NFIB: variants seen among roughly 807,000 people sequenced by gnomAD.
The protein encoded by NFIB is nuclear factor I B, also known as nuclear factor 1 B-type.
In NFIB, 11 loss-of-function variants were observed where a neutral mutation model predicts 61.5. The ratio of observed to expected loss-of-function variants is 0.18; its 90% CI spans 0.11 to 0.30. The LOEUF is 0.30. Ranked by LOEUF, NFIB falls within the 10% of genes least tolerant of loss-of-function variation. The pLI, the probability that NFIB is intolerant of heterozygous loss-of-function variation, is 1.00. For synonymous variants in NFIB, 260 were observed against 216.5 expected (o/e 1.20, Z -1.76); for missense variants, 471 against 608.9 (o/e 0.77, Z 2.38).
chr9:14,303,565 T>C (rs1021113671), intron 2 of NFIB, among the ~76,000 whole-genome samples: 2 of 152,190 alleles, frequency 1.3e-5, no homozygotes, highest in African/African-American at 2.4e-5. Flanking sequence ...GGAAGAGTTT[T>C]ATATTAGCTA....
intron 2 of NFIB, among the ~76,000 whole-genome samples, chr9:14,218,525 T>A (rs993434773): frequency 6.6e-6 from 1 of 152,174 alleles, no homozygotes; most frequent in Non-Finnish European, 1.5e-5. Flanking sequence ...GCTGTAGAAC[T>A]CCAAGTTGGG....
At chr9:14,501,084 C>T in the NFIB span, among the ~76,000 whole-genome samples, 6 of 152,156 alleles carry the variant, frequency 3.9e-5, no homozygotes, top group Non-Finnish European at 7.3e-5. Context: ...GATCTCAAAC[C>T]CACTTTTGAC....
intron 10 of NFIB, among the ~76,000 whole-genome samples, chr9:14,098,639 G>T (rs2035253964): frequency 6.6e-6 from 1 of 152,192 alleles, no homozygotes; most frequent in South Asian, 2.1e-4. Flanking sequence ...ACCTTAAGCA[G>T]TTCATCACCT....
chr9:14,417,146 C>T, the NFIB span, among the ~76,000 whole-genome samples: 2 of 151,634 alleles, frequency 1.3e-5, no homozygotes, highest in African/African-American at 4.9e-5. Context: ...CTGCCTCAGC[C>T]TCCCAAAGTG....
chr9:14,097,402 C>T (rs574156410), intron 10 of NFIB, among the ~76,000 whole-genome samples: 8 of 152,202 alleles, frequency 5.3e-5, no homozygotes, highest in African/African-American at 1.9e-4. Flanking sequence ...ATTCAGCACT[C>T]GGAGAATAAA....
the NFIB span, among the ~76,000 whole-genome samples, chr9:14,475,276 A>C: frequency 1.3e-5 from 2 of 152,188 alleles, no homozygotes; most frequent in South Asian, 4.1e-4. Flanking sequence ...TCAGATTTGC[A>C]CCTGGGGAGC....
chr9:14,261,143 C>A (rs2056713746), intron 2 of NFIB, among the ~76,000 whole-genome samples: 1 of 152,094 alleles, frequency 6.6e-6, no homozygotes, highest in South Asian at 2.1e-4. Flanking sequence ...ACAGTGAAAC[C>A]CCGTCTCTAC....
intron 10 of NFIB, among the ~76,000 whole-genome samples, chr9:14,095,377 T>TGTG (rs936326710): frequency 9.2e-5 from 14 of 152,214 alleles, no homozygotes; most frequent in Admixed American, 2.6e-4. Flanking sequence ...AATTAAAAAT[T>TGTG]ATACAATTAT....
At chr9:14,465,762 G>C in the NFIB span, among the ~76,000 whole-genome samples, 2 of 152,158 alleles carry the variant, frequency 1.3e-5, no homozygotes, top group South Asian at 4.1e-4. Context: ...CTCTACTGCA[G>C]GGTGGACATT....
chr9:14,305,736 C>T (rs1370273777), intron 2 of NFIB: 1 of 246,868 alleles, frequency 4.1e-6, no homozygotes, highest in Non-Finnish European at 7.7e-6. Flanking sequence ...AATTCAGAGT[C>T]AAAAAAGTAA....
chr9:14,295,503 C>T (rs757753951), intron 2 of NFIB, among the ~76,000 whole-genome samples: 10 of 151,706 alleles, frequency 6.6e-5, no homozygotes, highest in African/African-American at 9.7e-5. Context: ...TGGGGAAGGG[C>T]GCCTGTAGTC....
chr9:14,313,610 T>C lies in NFIB; in HGVS notation c.-99A>G, dbSNP rs2060395754. 2.6e-5 allele frequency: 42 copies of C among 1,603,534 alleles called. No homozygotes were observed. The South Asian group carries it at 4.1e-4, about 16-fold the overall frequency. The stretch of plus-strand genomic sequence containing the variant: ...TTTTACAGTCATCTGAGCCCCGCGA[T>C]GCGATCAATCAGGACGGGGCTCTGC... On this transcript the variant is annotated 5_prime_UTR_variant, in exon 1 of 11. Transcript: ENST00000380953. The surrounding 1 kb of genome is among the most constrained non-coding windows in gnomAD (Gnocchi z 4.5).
At chr9:14,207,946 T>C (rs999886988) in intron 2 of NFIB, among the ~76,000 whole-genome samples, 7 of 152,182 alleles carry the variant, frequency 4.6e-5, no homozygotes, top group Non-Finnish European at 2.9e-5. Context: ...TTTCCTTGGT[T>C]GAATTTAGGT....
At chr9:14,297,270 C>T (rs1028464159) in intron 2 of NFIB, among the ~76,000 whole-genome samples, 6 of 152,192 alleles carry the variant, frequency 3.9e-5, no homozygotes, top group Non-Finnish European at 8.8e-5. Flanking sequence ...ATTGGCGCTG[C>T]CCCTGAGGAT....
intron 1 of NFIB, chr9:14,398,381 T>G (rs755599356): frequency 4.4e-5 from 26 of 595,388 alleles, no homozygotes; most frequent in Non-Finnish European, 6.4e-5. Context: ...GTAGTCGCTC[T>G]ACATTGGAAA....
chr9:14,092,670 G>A (rs56804873), intron 10 of NFIB, among the ~76,000 whole-genome samples: 9,247 of 152,042 alleles, frequency 0.061, 901 homozygotes, highest in African/African-American at 0.21. Context: ...CTAATGTTGC[G>A]AAAGAGACTA....
At chr9:14,353,146 T>C (rs1301019091) in intron 1 of NFIB, among the ~76,000 whole-genome samples, 1 of 152,014 alleles carries the variant, frequency 6.6e-6, no homozygotes, top group Non-Finnish European at 1.5e-5. Context: ...TCCCTTTGGG[T>C]AGGTAGCTAC....
the NFIB span, among the ~76,000 whole-genome samples, chr9:14,503,114 ATGTG>A: frequency 1.3e-4 from 19 of 145,662 alleles, no homozygotes; most frequent in Admixed American, 1.0e-3. Context: ...ATATGTGTGT[ATGTG>A]TGTGTATGTG....
intron 10 of NFIB, among the ~76,000 whole-genome samples, chr9:14,107,380 T>C (rs1418785773): frequency 1.3e-5 from 2 of 152,004 alleles, no homozygotes; most frequent in African/African-American, 2.4e-5. Context: ...AAGTCACTTC[T>C]AGTGCCAATT....
Sources: allele counts gnomAD v4.1 joint callset (sites outside exome capture counted in the v4.1 genomes callset), GRCh38; gene constraint gnomAD v4.1.1; non-coding constraint Gnocchi (gnomAD v3.1); transcripts MANE v1.5; gene names NCBI Gene and HGNC (gene_info 2026-07-23, HGNC 2026-07-21).